The following SLC25A28 variants were observed in gnomAD, a reference collection of about 807,000 sequenced individuals.
The protein encoded by SLC25A28 is solute carrier family 25 member 28.
SLC25A28 carries 10 observed loss-of-function variants against 31.9 expected under a neutral mutation model. The ratio of observed to expected loss-of-function variants is 0.31; its 90% CI spans 0.19 to 0.53. The LOEUF (loss-of-function observed/expected upper bound fraction) is 0.53. Among genes scored for constraint, SLC25A28 ranks in the 20% least tolerant of loss-of-function variants. SLC25A28 has a pLI of 0.95. For synonymous variants in SLC25A28, 208 were observed against 203.6 expected (o/e 1.02, Z -0.19); for missense variants, 256 against 490.3 (o/e 0.52, Z 4.51).
chr10:99,641,540 T>C, the SLC25A28 span, among the ~76,000 whole-genome samples: 1 of 152,238 alleles, frequency 6.6e-6, no homozygotes, highest in African/African-American at 2.4e-5. Context: ...TGATGGTAGT[T>C]TCTTTTGCTG....
intron 1 of SLC25A28, chr10:99,617,747 T>A: frequency 1.0e-6 from 1 of 985,476 alleles, no homozygotes. Context: ...TGTTGACAAC[T>A]CCTGAGCATT....
the SLC25A28 span, among the ~76,000 whole-genome samples, chr10:99,648,163 T>C: frequency 2.4e-5 from 1 of 42,258 alleles, no homozygotes; most frequent in African/African-American, 1.3e-4. Flanking sequence ...CATGCCCAGC[T>C]GATTTTTTTT....
At position 99,620,154 on chromosome 10, in the gene SLC25A28, G is replaced by A. The variant is rs202091303; in HGVS notation, c.182C>T (p.Pro61Leu). ...PPVRQDPDSG[P>L]DYEALPAGAT... ...TCCAGCCGGCAGCGCCTCGTAGTCC[G>A]GGCCGGAGTCCGGATCTTGTCGTAC... The change falls in exon 1 of 4, where the codon CCG (proline) becomes CTG (leucine). Residue 61 changes from proline to leucine, a missense_variant. Physicochemically the swap from Pro to Leu is moderately conservative, Grantham distance 98. Coordinates refer to ENST00000370495, the MANE Select transcript of SLC25A28 (RefSeq NM_031212.4). 2 of 1,569,034 alleles carry A rather than the reference G, an allele frequency of 1.3e-6. No homozygotes were observed. The highest frequency in any genetic ancestry group is 4.9e-5 in the East Asian group (2 of 41,048).
the SLC25A28 span, among the ~76,000 whole-genome samples, chr10:99,644,389 C>T: frequency 6.6e-6 from 1 of 152,010 alleles, no homozygotes; most frequent in Non-Finnish European, 1.5e-5. Context: ...GGATTGCAAC[C>T]CCTGCTTTTT....
At chr10:99,616,413 A>T in intron 1 of SLC25A28, 1 of 941,750 alleles carries the variant, frequency 1.1e-6, no homozygotes, top group African/African-American at 1.8e-5. Flanking sequence ...GTAATTTATA[A>T]GATGCTAGAA....
At chr10:99,650,157 T>A in the SLC25A28 span, among the ~76,000 whole-genome samples, 2 of 152,290 alleles carry the variant, frequency 1.3e-5, no homozygotes, top group East Asian at 1.9e-4. Context: ...CATTTTAAAA[T>A]TTTTTAAAAT....
chr10:99,620,302 C>T lies in SLC25A28; in HGVS notation c.34G>A (p.Ala12Thr). Residue 12 changes from alanine to threonine, a missense_variant, in exon 1 of 4, where the codon GCG becomes ACG. Ala to Thr is a moderately conservative substitution (Grantham distance 58). This residue lies in a region of SLC25A28 where 47 missense variants were observed against 41.4 expected (regional missense o/e 1.14). Transcript: ENST00000370495. ...ELEGRGAGGV[A>T]GGPAAGPGRS... Reference sequence around the variant, plus strand: ...CCGGGCCCTGCCGCCGGCCCCCCCGCCACACCGCCAGCACCCCGCCCCTCC... The same window carrying T: ...CCGGGCCCTGCCGCCGGCCCCCCCGTCACACCGCCAGCACCCCGCCCCTCC... 8.6e-7 allele frequency: 1 copy of T among 1,161,212 alleles called. No homozygotes were observed. The highest frequency in any genetic ancestry group is 1.1e-6 in the Non-Finnish European group (1 of 942,226). The allele number at this position is 1,161,212 out of a possible 1,614,324, so 71.9% of individuals were successfully genotyped here. A position where few individuals can be genotyped will look rare whatever the true frequency, so the allele number is the denominator to read the frequency against.
the SLC25A28 span, among the ~76,000 whole-genome samples, chr10:99,639,279 A>T: frequency 6.6e-6 from 1 of 151,842 alleles, no homozygotes; most frequent in Non-Finnish European, 1.5e-5. Context: ...TGTGGGAGCT[A>T]AGCTGTGAGG....
upstream of SLC25A28, chr10:99,621,762 C>T (rs2052318): frequency 0.43 from 65,407 of 152,188 alleles, 14,552 homozygotes; most frequent in Middle Eastern, 0.64. Context: ...ATAGGTTTTC[C>T]TTGGATAGGA....
the SLC25A28 span, among the ~76,000 whole-genome samples, chr10:99,638,678 T>A: frequency 2.6e-5 from 4 of 152,044 alleles, no homozygotes; most frequent in Admixed American, 6.6e-5. Flanking sequence ...AACAAACATA[T>A]GAAAAAATGC....
intron 1 of SLC25A28, chr10:99,618,385 T>C (rs1176638645): frequency 1.0e-6 from 1 of 985,290 alleles, no homozygotes; most frequent in African/African-American, 1.7e-5. Context: ...CTGTTTTCCA[T>C]TCAATACTCA....
intron 1 of SLC25A28, chr10:99,616,039 A>C: frequency 1.0e-6 from 1 of 985,462 alleles, no homozygotes; most frequent in South Asian, 4.7e-5. Flanking sequence ...ACCTGGGCAT[A>C]AGCTATGCCA....
chr10:99,610,750 C>A lies in SLC25A28; in HGVS notation c.*99G>T. On this transcript the variant is annotated 3_prime_UTR_variant, in exon 4 of 4. Transcript: ENST00000370495. ...TCCTGGGGGAGAGCCCCTCTACCTTCCTTCTAACTCCACTTGAGGTGGGAG... is the reference window on the plus strand; with the variant it reads ...TCCTGGGGGAGAGCCCCTCTACCTTACTTCTAACTCCACTTGAGGTGGGAG... The A allele has an allele frequency of 6.9e-7, 1 of 1,455,282 alleles. No homozygotes were observed. Among genetic ancestry groups the A allele is most frequent in the East Asian group, 2.3e-5 (1 of 43,790 alleles). The allele number at this position is 1,455,282 out of a possible 1,614,324, so 90.1% of individuals were successfully genotyped here. A position where few individuals can be genotyped will look rare whatever the true frequency, so the allele number is the denominator to read the frequency against.
the SLC25A28 span, among the ~76,000 whole-genome samples, chr10:99,632,090 G>T: frequency 1.3e-5 from 2 of 150,530 alleles, no homozygotes; most frequent in Admixed American, 6.6e-5. Flanking sequence ...TAGAGACGGG[G>T]TTTCACCTTG....
At chr10:99,645,259 ACT>A in the SLC25A28 span, among the ~76,000 whole-genome samples, 1 of 151,570 alleles carries the variant, frequency 6.6e-6, no homozygotes, top group African/African-American at 2.4e-5. Flanking sequence ...GTGGCTTTTT[ACT>A]CTTTTTTCTC....
Position 99,616,898 on chromosome 10 carries a change from T to C in SLC25A28, c.292-2974A>G, listed in dbSNP as rs1438084829. 6.4e-6 allele frequency: 6 copies of C among 940,986 alleles called. No homozygotes were observed. In the African/African-American group the frequency reaches 7.1e-5, roughly 11 times the overall value. 58.3% of individuals were successfully genotyped at this position (940,986 alleles called of 1,614,324 possible). ...CACAGATTAAATGAATAAATGTATG[T>C]AAGGTACTTCAGATAGTGCTTGGCA... On this transcript the variant is annotated intron_variant, in intron 1 of 3. Coordinates refer to ENST00000370495, the MANE Select transcript of SLC25A28 (RefSeq NM_031212.4).
the SLC25A28 span, chr10:99,653,780 T>C: frequency 6.6e-6 from 1 of 152,182 alleles, no homozygotes; most frequent in Non-Finnish European, 1.5e-5. Context: ...ACATCTCCCA[T>C]CTAGATTAAG....
the SLC25A28 span, among the ~76,000 whole-genome samples, chr10:99,658,133 A>T: frequency 3.3e-5 from 5 of 152,054 alleles, no homozygotes; most frequent in East Asian, 9.6e-4. Flanking sequence ...GCTGCAGTGA[A>T]CCACGATCGC....
upstream of SLC25A28, among the ~76,000 whole-genome samples, chr10:99,622,943 G>T (rs567719886): frequency 5.3e-5 from 8 of 152,264 alleles, no homozygotes; most frequent in African/African-American, 1.7e-4. Flanking sequence ...GCTTTTTAAT[G>T]ATGAGGGTGG....
Sources: gnomAD v4.1 joint callset for allele counts (sites outside exome capture counted in the v4.1 genomes callset) on GRCh38, gnomAD v4.1.1 for gene constraint, gnomAD v4.1.1 regional missense constraint, MANE v1.5 for transcripts, NCBI Gene and HGNC (gene_info 2026-07-23, HGNC 2026-07-21) for gene names.